The following UNC5D variants were observed in gnomAD, a reference collection of about 807,000 sequenced individuals.
UNC5D encodes netrin receptor UNC5D.
Under a neutral mutation model 105.4 loss-of-function variants are expected in UNC5D, and 39 were observed. The observed-to-expected ratio is 0.37, with a 90% CI of 0.29 to 0.48. The LOEUF (loss-of-function observed/expected upper bound fraction) is 0.48. Among genes scored for constraint, UNC5D ranks in the 20% least tolerant of loss-of-function variants. UNC5D has a pLI of 0.98. For synonymous variants in UNC5D, 452 were observed against 450.4 expected (o/e 1.00, Z -0.04); for missense variants, 991 against 1,202.4 (o/e 0.82, Z 2.60).
chr8:35,517,899 C>A (rs1249666707), intron 1 of UNC5D, among the ~76,000 whole-genome samples: 2 of 152,132 alleles, frequency 1.3e-5, no homozygotes, highest in Admixed American at 1.3e-4. Flanking sequence ...ACTGTAACAT[C>A]ACATAGTGGA....
chr8:35,541,290 A>G (rs1815256252), intron 1 of UNC5D, among the ~76,000 whole-genome samples: 1 of 152,306 alleles, frequency 6.6e-6, no homozygotes, highest in Non-Finnish European at 1.5e-5. Context: ...CACGATGTGA[A>G]CCATCGGCTT....
chr8:35,751,940 A>G (rs1439899710), intron 13 of UNC5D, among the ~76,000 whole-genome samples: 1 of 152,222 alleles, frequency 6.6e-6, no homozygotes, highest in East Asian at 1.9e-4. Context: ...AGAGAAAAAA[A>G]GCAGCATGAG....
At position 35,310,859 on chromosome 8, in the gene UNC5D, G is replaced by A. The variant is rs372694009; in HGVS notation, c.103+74972G>A. Reference sequence around the variant, plus strand: ...CAAATATGCTCATGCTGAGGGTTAGGGGTTCAATATATGAATACCTGGGGA... The same window carrying A: ...CAAATATGCTCATGCTGAGGGTTAGAGGTTCAATATATGAATACCTGGGGA... On this transcript the variant is annotated intron_variant, in intron 1 of 16. Transcript: ENST00000404895. Among the ~76,000 whole-genome samples, 5 of 152,106 alleles carry A rather than the reference G, an allele frequency of 3.3e-5. 1 individual carries two copies. Among genetic ancestry groups the A allele is most frequent in the South Asian group, 4.2e-4 (2 of 4,816 alleles).
Position 35,691,701 on chromosome 8 carries a change from C to G in UNC5D, c.1084+4992C>G, listed in dbSNP as rs528459764. 5.3e-5 allele frequency among the ~76,000 whole-genome samples: 8 copies of G among 152,294 alleles called. No homozygotes were observed. The South Asian group carries it at 1.0e-3, about 20-fold the overall frequency. On this transcript the variant is annotated intron_variant, in intron 7 of 16. Coordinates refer to ENST00000404895, the MANE Select transcript of UNC5D (RefSeq NM_080872.4). Reference sequence around the variant, plus strand: ...GATCCATGTTTTCTGAGCTTGAACACCAGAATCAGGTAGTTTCCTGACCAT... The same window carrying G: ...GATCCATGTTTTCTGAGCTTGAACAGCAGAATCAGGTAGTTTCCTGACCAT...
chr8:35,744,575 A>C (rs1422128321), intron 11 of UNC5D, among the ~76,000 whole-genome samples: 3 of 152,068 alleles, frequency 2.0e-5, no homozygotes, highest in African/African-American at 7.2e-5. Context: ...TTATAGTATG[A>C]CTCAATGGGT....
intron 14 of UNC5D, 70 bp downstream of exon 14, chr8:35,759,539 A>C: frequency 2.0e-6 from 3 of 1,529,850 alleles, no homozygotes; most frequent in Non-Finnish European, 2.7e-6. Context: ...AGATCCTGGC[A>C]AGGGTCTGCT....
At chr8:35,464,537 G>C (rs113886090) in intron 1 of UNC5D, among the ~76,000 whole-genome samples, 3,020 of 152,190 alleles carry the variant, frequency 0.02, 104 homozygotes, top group African/African-American at 0.069. Flanking sequence ...CTCAGCCTAT[G>C]TGCAGCTTTC....
chr8:35,585,569 T>A (rs1316976631), intron 3 of UNC5D, among the ~76,000 whole-genome samples: 1 of 151,990 alleles, frequency 6.6e-6, no homozygotes, highest in African/African-American at 2.4e-5. Context: ...TGTACATATA[T>A]ATTCATTCTA....
At chr8:35,359,543 T>C (rs1412763965) in intron 1 of UNC5D, among the ~76,000 whole-genome samples, 4 of 152,208 alleles carry the variant, frequency 2.6e-5, no homozygotes, top group Non-Finnish European at 1.5e-5. Context: ...TCTGATTAAC[T>C]GAATAGCCTG....
chr8:35,493,414 T>C (rs1297796051), intron 1 of UNC5D, among the ~76,000 whole-genome samples: 2 of 151,920 alleles, frequency 1.3e-5, no homozygotes, highest in Non-Finnish European at 2.9e-5. Flanking sequence ...TGAGGAAGTA[T>C]CTGGGTTGTG....
chr8:35,749,989 T>TAAAAAA (rs11380512), intron 12 of UNC5D, among the ~76,000 whole-genome samples: 2 of 136,930 alleles, frequency 1.5e-5, no homozygotes, highest in South Asian at 2.2e-4. Flanking sequence ...GAAATAGTTG[T>TAAAAAA]AAAAAAAAAA....
intron 1 of UNC5D, among the ~76,000 whole-genome samples, chr8:35,281,805 AT>A (rs992945445): frequency 6.6e-6 from 1 of 152,198 alleles, no homozygotes; most frequent in Non-Finnish European, 1.5e-5. Flanking sequence ...CTAAGCAGAT[AT>A]TCTTCTCTCC....
At chr8:35,332,442 G>A (rs16883832) in intron 1 of UNC5D, among the ~76,000 whole-genome samples, 3,084 of 152,264 alleles carry the variant, frequency 0.02, 112 homozygotes, top group African/African-American at 0.071. Context: ...TCCTTATTCT[G>A]CAGTAATGTC....
intron 1 of UNC5D, among the ~76,000 whole-genome samples, chr8:35,370,624 GA>G (rs957291954): frequency 2.0e-5 from 3 of 151,390 alleles, no homozygotes; most frequent in Admixed American, 1.3e-4. Flanking sequence ...GTTAGCTATA[GA>G]AAAAAAAGGA....
intron 1 of UNC5D, among the ~76,000 whole-genome samples, chr8:35,275,164 A>C (rs1456430992): frequency 2.0e-5 from 3 of 151,394 alleles, no homozygotes; most frequent in African/African-American, 7.3e-5. Flanking sequence ...ATAATGAAAT[A>C]AGAAGACAAA....
intron 8 of UNC5D, among the ~76,000 whole-genome samples, chr8:35,720,975 CTG>C (rs1227432790): frequency 6.6e-6 from 1 of 152,056 alleles, no homozygotes; most frequent in Non-Finnish European, 1.5e-5. Flanking sequence ...AGTCCACTAA[CTG>C]TTGAAAATAA....
chr8:35,494,838 T>C (rs1811444653), intron 1 of UNC5D, among the ~76,000 whole-genome samples: 1 of 152,252 alleles, frequency 6.6e-6, no homozygotes, highest in Non-Finnish European at 1.5e-5. Flanking sequence ...AAAGGACTTT[T>C]ATTTGCTCCG....
chr8:35,442,639 C>T (rs71513759), intron 1 of UNC5D, among the ~76,000 whole-genome samples: 4,817 of 151,920 alleles, frequency 0.032, 116 homozygotes, highest in Non-Finnish European at 0.048. Flanking sequence ...TATTTCCAGC[C>T]AATCCAAGGA....
chr8:35,525,592 T>C (rs1189143109), intron 1 of UNC5D: 31 of 1,613,188 alleles, frequency 1.9e-5, no homozygotes, highest in Middle Eastern at 3.6e-4. Flanking sequence ...TGTAAGTTTA[T>C]GAGCAAGATG....
Sources: allele counts gnomAD v4.1 joint callset (sites outside exome capture counted in the v4.1 genomes callset), GRCh38; gene constraint gnomAD v4.1.1; transcripts MANE v1.5; gene names NCBI Gene and HGNC (gene_info 2026-07-23, HGNC 2026-07-21).